The following SLC25A30 variants were observed in gnomAD, a reference collection of about 807,000 sequenced individuals.
SLC25A30 encodes solute carrier family 25 member 30.
In SLC25A30, 29 loss-of-function variants were observed where a neutral mutation model predicts 42.7. That is an observed-to-expected ratio of 0.68 (90% confidence interval 0.51 to 0.93). The LOEUF is 0.93. Ranked by LOEUF, SLC25A30 falls within the 40% of genes least tolerant of loss-of-function variation. SLC25A30 has a pLI of 0.00. For synonymous variants in SLC25A30, 124 were observed against 131.0 expected, an observed-to-expected ratio of 0.95 and a Z score of 0.37; for missense variants, 300 against 359.7, an observed-to-expected ratio of 0.83 and a Z score of 1.34.
chr13:45,397,970 G>A, intron 8 of SLC25A30: 1 of 985,366 alleles, frequency 1.0e-6, no homozygotes, highest in Non-Finnish European at 1.2e-6. Flanking sequence ...AAATAAAGAA[G>A]CAATAGTGGT....
chr13:45,406,858 G>A (rs1178568384), intron 3 of SLC25A30, among the ~76,000 whole-genome samples: 1 of 152,138 alleles, frequency 6.6e-6, no homozygotes, highest in Admixed American at 6.5e-5. Context: ...TTTCTCTACA[G>A]CATCCTACCT....
At chr13:45,421,411 A>G (rs1159077900), upstream of SLC25A30, among the ~76,000 whole-genome samples, 4 of 152,024 alleles carry the variant, frequency 2.6e-5, no homozygotes, top group Non-Finnish European at 5.9e-5. Flanking sequence ...GAATTAAAAA[A>G]AAGTGGTAAG....
At position 45,393,888 on chromosome 13, in the gene SLC25A30, A is replaced by G. The variant is rs771135525; in HGVS notation, c.*2086T>C. ...ATGTATGTAATTTGAATAAACTGGT[A>G]ATAATACTGTCTGACATTCGCTCTT... On this transcript the variant is annotated 3_prime_UTR_variant, in exon 10 of 10. Transcript: ENST00000519676. The G allele has an allele frequency of 2.6e-5, 26 of 985,312 alleles. No individual in the cohort carries two copies. Among genetic ancestry groups the G allele is most frequent in the Non-Finnish European group, 3.1e-5 (26 of 829,922 alleles). 61.0% of individuals were successfully genotyped at this position (985,312 alleles called of 1,614,324 possible).
the SLC25A30 span, among the ~76,000 whole-genome samples, chr13:45,425,096 T>G: frequency 9.6e-5 from 1 of 10,390 alleles, no homozygotes; most frequent in African/African-American, 4.8e-4. Context: ...ATAAATATAT[T>G]TATAAATATA....
chr13:45,413,473 G>GGCAC (rs1014647720), intron 1 of SLC25A30, among the ~76,000 whole-genome samples: 5 of 152,072 alleles, frequency 3.3e-5, no homozygotes, highest in Admixed American at 3.3e-4. Context: ...CAGGTGTAGT[G>GGCAC]GCACGCATCT....
At chr13:45,431,092 G>T in the SLC25A30 span, among the ~76,000 whole-genome samples, 1 of 152,218 alleles carries the variant, frequency 6.6e-6, no homozygotes, top group African/African-American at 2.4e-5. Context: ...TTGTTGCCCA[G>T]GCTGGAGTGC....
At chr13:45,408,347 T>TA (rs1003168798) in intron 3 of SLC25A30, among the ~76,000 whole-genome samples, 16 of 152,070 alleles carry the variant, frequency 1.1e-4, no homozygotes, top group Non-Finnish European at 2.2e-4. Context: ...TTGGCTCAAT[T>TA]AAAAAAACAA....
chr13:45,429,940 A>AG, the SLC25A30 span, among the ~76,000 whole-genome samples: 1 of 152,142 alleles, frequency 6.6e-6, no homozygotes, highest in Non-Finnish European at 1.5e-5. Context: ...TATATTGCCA[A>AG]GAAAAAAAAA....
chr13:45,398,890 C>A, intron 8 of SLC25A30, 50 bp downstream of exon 8: 5 of 1,579,046 alleles, frequency 3.2e-6, no homozygotes, highest in Middle Eastern at 1.7e-4. Context: ...CTTCTTAGAT[C>A]AAAAAAATAT....
At chr13:45,429,027 A>T in the SLC25A30 span, among the ~76,000 whole-genome samples, 18 of 151,732 alleles carry the variant, frequency 1.2e-4, no homozygotes, top group South Asian at 1.3e-3. Context: ...AGCAATGGGA[A>T]GAATTGAAAA....
At chr13:45,424,626 T>TATATAG in the SLC25A30 span, among the ~76,000 whole-genome samples, 8 of 58,462 alleles carry the variant, frequency 1.4e-4, no homozygotes, top group South Asian at 5.4e-4. Context: ...TAAATATATA[T>TATATAG]AAATATGTAT....
chr13:45,398,889 T>TC (rs1881634821), intron 8 of SLC25A30, 51 bp downstream of exon 8: 4 of 1,578,574 alleles, frequency 2.5e-6, no homozygotes, highest in African/African-American at 1.4e-5. Flanking sequence ...ACTTCTTAGA[T>TC]CAAAAAAATA....
Position 45,411,500 on chromosome 13 carries a change from A to G in SLC25A30, c.-55-20T>C. Reference sequence around the variant, plus strand: ...TTTTTCCTGGACACAACAATAAGATATTATCAAGCTGTAACTTCTCACACA... The same window carrying G: ...TTTTTCCTGGACACAACAATAAGATGTTATCAAGCTGTAACTTCTCACACA... On this transcript the variant is annotated intron_variant, in intron 1 of 9. Transcript: ENST00000519676. 4.1e-6 allele frequency: 6 copies of G among 1,453,072 alleles called. No homozygotes were observed. Among genetic ancestry groups the G allele is most frequent in the Middle Eastern group, 1.7e-4 (1 of 5,762 alleles). 90.0% of individuals were successfully genotyped at this position (1,453,072 alleles called of 1,614,324 possible).
At chr13:45,433,346 T>A in the SLC25A30 span, among the ~76,000 whole-genome samples, 3 of 152,198 alleles carry the variant, frequency 2.0e-5, no homozygotes, top group Non-Finnish European at 4.4e-5. Flanking sequence ...GAGGTAATTT[T>A]AGCCAGAGTG....
intron 9 of SLC25A30, 103 bp from the exon 10 acceptor site, chr13:45,396,118 G>A: frequency 1.9e-6 from 3 of 1,608,896 alleles, no homozygotes; most frequent in Non-Finnish European, 2.5e-6. Context: ...ATAGGTACAG[G>A]CAGACCCACG....
the SLC25A30 span, among the ~76,000 whole-genome samples, chr13:45,425,643 T>C: frequency 2.8e-5 from 3 of 109,054 alleles, 1 homozygote; most frequent in Non-Finnish European, 5.8e-5. Context: ...TATATAAATA[T>C]ATATATAAGT....
At chr13:45,398,485 TAA>T (rs34462747) in intron 8 of SLC25A30, 15,379 of 143,064 alleles carry the variant, frequency 0.11, 1,976 homozygotes, top group African/African-American at 0.32. Flanking sequence ...AATATCACCT[TAA>T]AAAAAAAAAA....
the SLC25A30 span, among the ~76,000 whole-genome samples, chr13:45,428,166 T>A: frequency 6.6e-6 from 1 of 152,110 alleles, no homozygotes; most frequent in Non-Finnish European, 1.5e-5. Context: ...TTTTCTGCCA[T>A]TTATACCCTT....
At chr13:45,418,940 C>CAA (rs1168457204), upstream of SLC25A30, among the ~76,000 whole-genome samples, 30 of 14,908 alleles carry the variant, frequency 2.0e-3, 5 homozygotes, top group East Asian at 5.0e-3. Context: ...GACTTCGTCT[C>CAA]AAAAAAAAAA....
Sources: gnomAD v4.1 joint callset for allele counts (sites outside exome capture counted in the v4.1 genomes callset) on GRCh38, gnomAD v4.1.1 for gene constraint, MANE v1.5 for transcripts, NCBI Gene and HGNC (gene_info 2026-07-23, HGNC 2026-07-21) for gene names.